The following AFF3 variants were observed in gnomAD, a reference collection of about 807,000 sequenced individuals.
The protein encoded by AFF3 is AF4/FMR2 family member 3.
A neutral mutation model predicts 129.7 loss-of-function variants in AFF3; 32 were observed. That is an observed-to-expected ratio of 0.25 (90% CI 0.19 to 0.33). AFF3 has a LOEUF of 0.33. Ranked by LOEUF, AFF3 falls within the 10% of genes least tolerant of loss-of-function variation. The pLI is 1.00. For synonymous variants in AFF3, 644 were observed against 635.4 expected (o/e 1.01, Z -0.20); for missense variants, 1,373 against 1,592.0 (o/e 0.86, Z 2.34).
chr2:99,554,298 G>A lies in AFF3; in HGVS notation c.3559+13C>T. 6.2e-7 allele frequency: 1 copy of A among 1,614,060 alleles called. No individual in the cohort carries two copies. Among genetic ancestry groups the A allele is most frequent in the Non-Finnish European group, 8.5e-7 (1 of 1,179,968 alleles). ...GGCGGAAGCCCCTGGTTCCCCGTGG[G>A]GTGTGCGCTCACCTCGGTTTTCCTT... On this transcript the variant is annotated intron_variant, in intron 24 of 24. Coordinates refer to ENST00000672756, the MANE Select transcript of AFF3 (RefSeq NM_001386135.1).
chr2:100,117,303 T>G (rs908926273), intron 2 of AFF3, among the ~76,000 whole-genome samples: 2 of 152,200 alleles, frequency 1.3e-5, no homozygotes, highest in Non-Finnish European at 2.9e-5. Context: ...TATCTTTTAC[T>G]TTCTCTTGTG....
At chr2:100,061,011 C>A (rs773278941) in intron 4 of AFF3, among the ~76,000 whole-genome samples, 11 of 152,166 alleles carry the variant, frequency 7.2e-5, no homozygotes, top group Admixed American at 3.3e-4. Context: ...GTAGGTTTGA[C>A]TGATGCTTTT....
At chr2:99,765,617 C>T (rs1210457741) in intron 8 of AFF3, among the ~76,000 whole-genome samples, 1 of 152,116 alleles carries the variant, frequency 6.6e-6, no homozygotes, top group East Asian at 1.9e-4. Context: ...AAGAACCTAG[C>T]GTAATAGCTG....
chr2:100,076,039 T>C (rs140278468), intron 4 of AFF3, among the ~76,000 whole-genome samples: 2 of 152,222 alleles, frequency 1.3e-5, no homozygotes, highest in East Asian at 1.9e-4. Context: ...CAAAGCAAAT[T>C]AGAATACAAA....
chr2:99,787,523 C>T (rs1232524731), intron 8 of AFF3, among the ~76,000 whole-genome samples: 1 of 152,194 alleles, frequency 6.6e-6, no homozygotes, highest in East Asian at 1.9e-4. Context: ...TGCCCAGCTC[C>T]CAGCCCTTGC....
chr2:100,060,457 G>C (rs114789767), intron 4 of AFF3, among the ~76,000 whole-genome samples: 14 of 152,034 alleles, frequency 9.2e-5, no homozygotes, highest in African/African-American at 3.1e-4. Flanking sequence ...TGCTTAACCG[G>C]GCTACCTTTT....
At chr2:99,648,914 C>CACACACACAT (rs1684953875) in intron 13 of AFF3, among the ~76,000 whole-genome samples, 1 of 118,298 alleles carries the variant, frequency 8.5e-6, no homozygotes, top group African/African-American at 3.0e-5. Flanking sequence ...CACACACACA[C>CACACACACAT]ACACTCTCTC....
chr2:99,549,302 G>A lies in AFF3; in HGVS notation c.*2172C>T, dbSNP rs897311694. 1.5e-5 allele frequency: 3 copies of A among 197,384 alleles called. No individual in the cohort carries two copies. The highest frequency in any genetic ancestry group is 6.9e-5 in the African/African-American group (3 of 43,372). 12.2% of individuals were successfully genotyped at this position (197,384 alleles called of 1,614,324 possible). The stretch of plus-strand genomic sequence containing the variant: ...TGAACTCTGCCAAAAATTAGTGAAA[G>A]GGCTGGGTGTGGTGGCTCACGCCTG... On this transcript the variant is annotated 3_prime_UTR_variant, in exon 25 of 25. Transcript: ENST00000672756.
chr2:99,551,626 C>T (rs751657906), intron 24 of AFF3, 31 bp from the exon 25 acceptor site: 6 of 1,613,220 alleles, frequency 3.7e-6, no homozygotes, highest in Non-Finnish European at 3.4e-6. Flanking sequence ...GTTAAGAATG[C>T]CACACATGCT....
At chr2:99,621,193 G>A (rs1290533020) in intron 13 of AFF3, among the ~76,000 whole-genome samples, 4 of 152,210 alleles carry the variant, frequency 2.6e-5, no homozygotes, top group African/African-American at 9.6e-5. Flanking sequence ...GCCAAGAAAA[G>A]ACCAGAGAAC....
intron 7 of AFF3, among the ~76,000 whole-genome samples, chr2:99,950,708 T>C (rs1006148383): frequency 1.3e-5 from 2 of 152,220 alleles, no homozygotes; most frequent in Non-Finnish European, 2.9e-5. Flanking sequence ...TTAGCAAATA[T>C]TTCATAAAAA....
At chr2:99,552,157 G>A (rs1199682131) in intron 24 of AFF3, among the ~76,000 whole-genome samples, 3 of 152,198 alleles carry the variant, frequency 2.0e-5, no homozygotes, top group Non-Finnish European at 2.9e-5. Context: ...AGGCTGAGGC[G>A]GGTAGAACGC....
At chr2:99,726,935 T>C in intron 11 of AFF3, 142 bp downstream of exon 11, 1 of 765,484 alleles carries the variant, frequency 1.3e-6, no homozygotes, top group Non-Finnish European at 2.0e-6. Flanking sequence ...CCCAAAGCAT[T>C]TAGAAAGACA....
At chr2:99,748,563 G>A (rs1351016883) in intron 9 of AFF3, among the ~76,000 whole-genome samples, 1 of 152,142 alleles carries the variant, frequency 6.6e-6, no homozygotes, top group African/African-American at 2.4e-5. Flanking sequence ...CCCCTGGAAT[G>A]CTCATCCTGC....
chr2:99,877,076 TAAC>T (rs1199270568), intron 7 of AFF3, among the ~76,000 whole-genome samples: 1 of 152,160 alleles, frequency 6.6e-6, no homozygotes, highest in East Asian at 1.9e-4. Context: ...AGGTCTAACC[TAAC>T]AACATTTCCA....
At chr2:100,063,037 G>T (rs1191881228) in intron 4 of AFF3, among the ~76,000 whole-genome samples, 1 of 152,058 alleles carries the variant, frequency 6.6e-6, no homozygotes, top group Non-Finnish European at 1.5e-5. Flanking sequence ...GATCACCTGA[G>T]TCCAGGAGTT....
At chr2:99,838,224 T>C (rs1182553276) in intron 7 of AFF3, among the ~76,000 whole-genome samples, 1 of 151,954 alleles carries the variant, frequency 6.6e-6, no homozygotes, top group Non-Finnish European at 1.5e-5. Flanking sequence ...CAGCCAAGAG[T>C]GCAGGATGTG....
At chr2:99,616,929 G>A (rs2105265599) in intron 13 of AFF3, among the ~76,000 whole-genome samples, 1 of 152,286 alleles carries the variant, frequency 6.6e-6, no homozygotes. Flanking sequence ...TTCTGTGACT[G>A]CTTCTTTCAC....
intron 7 of AFF3, among the ~76,000 whole-genome samples, chr2:99,946,777 T>C (rs1347353805): frequency 1.2e-4 from 18 of 152,336 alleles, no homozygotes; most frequent in East Asian, 3.9e-4. Flanking sequence ...TTGTGTAGGA[T>C]AAGTCATACT....
Sources: allele counts gnomAD v4.1 joint callset (sites outside exome capture counted in the v4.1 genomes callset), GRCh38; gene constraint gnomAD v4.1.1; transcripts MANE v1.5; gene names NCBI Gene and HGNC (gene_info 2026-07-23, HGNC 2026-07-21).